ZFPM2: variants seen among roughly 807,000 people sequenced by gnomAD.
The protein encoded by ZFPM2 is zinc finger protein ZFPM2.
A neutral mutation model predicts 98.6 loss-of-function variants in ZFPM2; 20 were observed. That is an observed-to-expected ratio of 0.20 (90% CI 0.14 to 0.29). ZFPM2 has a LOEUF of 0.29. Ranked by LOEUF, ZFPM2 falls within the 10% of genes least tolerant of loss-of-function variation. The probability of loss-of-function intolerance (pLI) is 1.00; values close to 1 mark genes in which losing one functional copy is unlikely to be tolerated. For missense variants in ZFPM2, 1,310 were observed against 1,388.6 expected (o/e 0.94, Z 0.90); for synonymous variants, 518 against 502.7 (o/e 1.03, Z -0.41).
chr8:105,356,819 G>A (rs1812755921), intron 1 of ZFPM2, among the ~76,000 whole-genome samples: 1 of 151,840 alleles, frequency 6.6e-6, no homozygotes, highest in East Asian at 1.9e-4. Flanking sequence ...CTGCCTTTTC[G>A]AGAAGTGGCA....
chr8:105,774,318 A>C (rs1232733602), intron 5 of ZFPM2, among the ~76,000 whole-genome samples: 1 of 152,166 alleles, frequency 6.6e-6, no homozygotes, highest in Non-Finnish European at 1.5e-5. Context: ...GAAATAAAAA[A>C]CACAAACATC....
intron 3 of ZFPM2, among the ~76,000 whole-genome samples, chr8:105,491,915 C>T (rs1813364107): frequency 6.6e-6 from 1 of 151,976 alleles, no homozygotes. Flanking sequence ...ACTTAAAATC[C>T]TGAATTTTAA....
chr8:105,657,523 A>G (rs1042092555), intron 5 of ZFPM2, among the ~76,000 whole-genome samples: 26 of 152,172 alleles, frequency 1.7e-4, no homozygotes, highest in Non-Finnish European at 3.2e-4. Flanking sequence ...GTCATGCCAA[A>G]CAGAACTGCA....
At chr8:105,453,022 GT>G (rs1293635207) in intron 3 of ZFPM2, among the ~76,000 whole-genome samples, 1 of 152,106 alleles carries the variant, frequency 6.6e-6, no homozygotes, top group East Asian at 1.9e-4. Flanking sequence ...TGCATTAGAA[GT>G]AGTTTAAAAT....
At chr8:105,494,227 A>ATATATATATATATAT (rs56993483) in intron 3 of ZFPM2, among the ~76,000 whole-genome samples, 70 of 127,622 alleles carry the variant, frequency 5.5e-4, no homozygotes, top group Non-Finnish European at 8.5e-4. Context: ...ATATATATAT[A>ATATATATATATATAT]ATCTCAAACT....
chr8:105,783,199 GTTTC>G (rs1458962033), intron 5 of ZFPM2, among the ~76,000 whole-genome samples: 33 of 74,638 alleles, frequency 4.4e-4, no homozygotes, highest in Non-Finnish European at 1.7e-4. Flanking sequence ...TATCCCTTGT[GTTTC>G]TTTATGGTTT....
At chr8:105,341,093 A>G (rs2129662599) in intron 1 of ZFPM2, among the ~76,000 whole-genome samples, 1 of 152,048 alleles carries the variant, frequency 6.6e-6, no homozygotes, top group Admixed American at 6.6e-5. Flanking sequence ...AATGGTGTAA[A>G]GCCAGGAAAA....
At chr8:105,592,702 A>G (rs774676264) in intron 4 of ZFPM2, among the ~76,000 whole-genome samples, 10 of 152,070 alleles carry the variant, frequency 6.6e-5, no homozygotes, top group Non-Finnish European at 1.2e-4. Flanking sequence ...TATCTCTCCC[A>G]CCAGATTTGT....
chr8:105,663,992 A>G (rs780104020), intron 5 of ZFPM2, among the ~76,000 whole-genome samples: 3 of 152,184 alleles, frequency 2.0e-5, no homozygotes, highest in Non-Finnish European at 4.4e-5. Flanking sequence ...TCAGCTCGTT[A>G]TGGTTAAAGG....
rs1399635398 is a variant in ZFPM2, at chr8:105,442,361, A to G, written c.200-1919A>G. On this transcript the variant is annotated intron_variant, in intron 2 of 7. Coordinates refer to ENST00000407775, the MANE Select transcript of ZFPM2 (RefSeq NM_012082.4). ...TCCGTCTCAAAGCAAAACAAAAACA[A>G]AAACAAAAAAACAACAAAAAAAACT... Among the ~76,000 whole-genome samples, 4 of 152,106 alleles carry G rather than the reference A, an allele frequency of 2.6e-5. No individual in the cohort carries two copies. The East Asian group carries it at 7.8e-4, about 30-fold the overall frequency.
chr8:105,421,780 CGGT>C (rs1482814832), intron 2 of ZFPM2, among the ~76,000 whole-genome samples: 3 of 152,200 alleles, frequency 2.0e-5, no homozygotes, highest in African/African-American at 7.2e-5. Flanking sequence ...GTTGCCAGGC[CGGT>C]GACTCACGCC....
At chr8:105,593,916 A>T (rs574021981) in intron 4 of ZFPM2, among the ~76,000 whole-genome samples, 2 of 152,230 alleles carry the variant, frequency 1.3e-5, no homozygotes, top group Admixed American at 1.3e-4. Context: ...TTATTACTTT[A>T]GCTGCTCTCT....
At chr8:105,469,136 G>A (rs1440063060) in intron 3 of ZFPM2, among the ~76,000 whole-genome samples, 1 of 152,160 alleles carries the variant, frequency 6.6e-6, no homozygotes, top group Non-Finnish European at 1.5e-5. Context: ...ATGGAGCCAT[G>A]TCACCAGAAT....
rs765734331 is a variant in ZFPM2, at chr8:105,380,367, TAAGA to T, written c.41-38768_41-38765del. On this transcript the variant is annotated intron_variant, in intron 1 of 7. Coordinates refer to ENST00000407775, the MANE Select transcript of ZFPM2 (RefSeq NM_012082.4). ...CACTTTATGCTCATTTTTTATATGT[TAAGA>T]AAGAAAGAGAAAGGCAGGTGCTGAT... 3.3e-3 allele frequency among the ~76,000 whole-genome samples: 503 copies of T among 151,104 alleles called. 2 individuals carry two copies. Among genetic ancestry groups the T allele is most frequent in the Admixed American group, 5.1e-3 (76 of 14,998 alleles).
At chr8:105,655,570 C>T (rs1384502960) in intron 5 of ZFPM2, among the ~76,000 whole-genome samples, 2 of 152,004 alleles carry the variant, frequency 1.3e-5, no homozygotes, top group African/African-American at 2.4e-5. Flanking sequence ...TGTTGAATGG[C>T]GGACAATGCT....
intron 5 of ZFPM2, among the ~76,000 whole-genome samples, chr8:105,781,216 C>T (rs552975596): frequency 2.6e-5 from 4 of 152,220 alleles, no homozygotes; most frequent in South Asian, 2.1e-4. Flanking sequence ...CAGTCAAGAT[C>T]GCCAGTCAGT....
chr8:105,713,220 G>A (rs1209825543), intron 5 of ZFPM2, among the ~76,000 whole-genome samples: 4 of 151,952 alleles, frequency 2.6e-5, no homozygotes, highest in Middle Eastern at 3.4e-3. Context: ...TTTAATGATA[G>A]CCATTCTGAC....
intron 2 of ZFPM2, among the ~76,000 whole-genome samples, chr8:105,436,962 A>G (rs1207188642): frequency 2.0e-5 from 3 of 152,236 alleles, no homozygotes; most frequent in Non-Finnish European, 4.4e-5. Flanking sequence ...AGATATTGAA[A>G]TGAATATAAA....
chr8:105,775,986 C>G (rs1175403437), intron 5 of ZFPM2, among the ~76,000 whole-genome samples: 1 of 151,942 alleles, frequency 6.6e-6, no homozygotes, highest in Admixed American at 6.6e-5. Flanking sequence ...CAGTAGAAAT[C>G]CGGGCCTGAT....
Sources: gnomAD v4.1 joint callset for allele counts (sites outside exome capture counted in the v4.1 genomes callset) on GRCh38, gnomAD v4.1.1 for gene constraint, MANE v1.5 for transcripts, NCBI Gene and HGNC (gene_info 2026-07-23, HGNC 2026-07-21) for gene names.